Variants in CSMD1 observed in about 807,000 individuals in gnomAD.
The protein encoded by CSMD1 is CUB and Sushi multiple domains 1.
A neutral mutation model predicts 417.5 loss-of-function variants in CSMD1; 213 were observed. That is an observed-to-expected ratio of 0.51 (90% CI 0.46 to 0.57). CSMD1 has a LOEUF of 0.57. Among genes scored for constraint, CSMD1 ranks in the 20% least tolerant of loss-of-function variants. The probability of loss-of-function intolerance (pLI) is 0.00; values close to 1 mark genes in which losing one functional copy is unlikely to be tolerated. For synonymous variants in CSMD1, 2,862 were observed against 1,736.8 expected, an observed-to-expected ratio of 1.65 and a Z score of -16.11; for missense variants, 6,923 against 4,529.7, an observed-to-expected ratio of 1.53 and a Z score of -15.17.
chr8:4,354,710 A>C (rs2128903495), intron 3 of CSMD1, among the ~76,000 whole-genome samples: 1 of 152,274 alleles, frequency 6.6e-6, no homozygotes, highest in East Asian at 1.9e-4. Context: ...TATATTTTTG[A>C]AACACTTGTA....
chr8:3,811,731 A>G (rs1033124109), intron 5 of CSMD1, among the ~76,000 whole-genome samples: 2 of 152,110 alleles, frequency 1.3e-5, no homozygotes, highest in Non-Finnish European at 2.9e-5. Context: ...GGATTTCACA[A>G]TGCGGCGGAG....
intron 10 of CSMD1, among the ~76,000 whole-genome samples, chr8:3,499,538 G>T (rs1270387700): frequency 6.6e-6 from 1 of 152,106 alleles, no homozygotes; most frequent in South Asian, 2.1e-4. Flanking sequence ...GTACCCAAAA[G>T]GCCAGTCCTT....
chr8:4,337,219 C>G (rs1192018903), intron 3 of CSMD1, among the ~76,000 whole-genome samples: 2 of 152,102 alleles, frequency 1.3e-5, no homozygotes, highest in African/African-American at 2.4e-5. Context: ...CAATCTTTAC[C>G]CAGGAGGCAA....
intron 3 of CSMD1, among the ~76,000 whole-genome samples, chr8:4,100,011 T>C (rs1157933419): frequency 3.9e-5 from 6 of 152,168 alleles, no homozygotes; most frequent in Non-Finnish European, 8.8e-5. Context: ...ATTTTCATTT[T>C]TATGACTTCC....
At chr8:4,428,114 G>T (rs1797668933) in intron 2 of CSMD1, among the ~76,000 whole-genome samples, 1 of 152,136 alleles carries the variant, frequency 6.6e-6, no homozygotes, top group Non-Finnish European at 1.5e-5. Flanking sequence ...ATACATCTCT[G>T]ATGCCTGTTT....
intron 3 of CSMD1, among the ~76,000 whole-genome samples, chr8:4,106,344 AT>A (rs531720674): frequency 6.6e-6 from 1 of 152,184 alleles, no homozygotes; most frequent in South Asian, 2.1e-4. Flanking sequence ...CAATACCTAT[AT>A]TTTTTAAGTC....
intron 2 of CSMD1, among the ~76,000 whole-genome samples, chr8:4,438,818 T>C (rs73658900): frequency 0.032 from 4,888 of 152,298 alleles, 261 homozygotes; most frequent in African/African-American, 0.11. Context: ...TTATTCAAGA[T>C]CTAATTCTCA....
Position 3,746,097 on chromosome 8 carries a change from T to C in CSMD1, c.931+7833A>G, listed in dbSNP as rs2623719. Reference sequence around the variant, plus strand: ...ACATTTAGCAAATAAACATGAAACATTGTCTGCAGATTTGGCCAACGATAT... The same window carrying C: ...ACATTTAGCAAATAAACATGAAACACTGTCTGCAGATTTGGCCAACGATAT... On this transcript the variant is annotated intron_variant, in intron 6 of 69. Coordinates refer to ENST00000635120, the MANE Select transcript of CSMD1 (RefSeq NM_033225.6). Among the ~76,000 whole-genome samples the C allele has an allele frequency of 4.2e-3, 634 of 152,302 alleles. 20 individuals are homozygous for C. The East Asian group carries it at 0.075, about 18-fold the overall frequency.
intron 50 of CSMD1, among the ~76,000 whole-genome samples, chr8:3,030,897 C>T (rs188697354): frequency 0.017 from 2,603 of 151,976 alleles, 43 homozygotes; most frequent in East Asian, 0.038. Flanking sequence ...TAAAAATATA[C>T]AGAAAAATGT....
At chr8:3,032,614 CT>C (rs1810415310) in intron 50 of CSMD1, among the ~76,000 whole-genome samples, 1 of 152,028 alleles carries the variant, frequency 6.6e-6, no homozygotes, top group Admixed American at 6.6e-5. Flanking sequence ...CTACCCCAGT[CT>C]ACTGATTCAC....
chr8:3,651,096 C>T (rs916958690), intron 7 of CSMD1, among the ~76,000 whole-genome samples: 1 of 152,172 alleles, frequency 6.6e-6, no homozygotes, highest in Non-Finnish European at 1.5e-5. Context: ...ATACAATGGC[C>T]GTTTATCACC....
chr8:4,836,959 C>G (rs1273186029), intron 1 of CSMD1, among the ~76,000 whole-genome samples: 2 of 152,064 alleles, frequency 1.3e-5, no homozygotes, highest in African/African-American at 4.8e-5. Flanking sequence ...AAAGGAAACT[C>G]TGTAGAACAG....
chr8:3,798,387 T>A (rs1800276651), intron 5 of CSMD1, among the ~76,000 whole-genome samples: 1 of 152,024 alleles, frequency 6.6e-6, no homozygotes. Flanking sequence ...TTTAATTGGG[T>A]CTCTTATATG....
rs572680205 is a variant in CSMD1, at chr8:3,558,329, C to A, written c.1344+16616G>T. Among the ~76,000 whole-genome samples, 6 of 119,170 alleles carry A rather than the reference C, an allele frequency of 5.0e-5. No homozygotes were observed. The East Asian group carries it at 1.4e-3, about 27-fold the overall frequency. 78.2% of individuals were successfully genotyped at this position (119,170 alleles called of 152,430 possible). On this transcript the variant is annotated intron_variant, in intron 10 of 69. Coordinates refer to ENST00000635120, the MANE Select transcript of CSMD1 (RefSeq NM_033225.6). ...TTCACTCCTCCAATGATGAATGATG[C>A]CTCAGTAGTACCCCGTGTCCACTCC...
chr8:4,727,966 AAAATATATATGTATATATATAC>A (rs1809575619), intron 1 of CSMD1, among the ~76,000 whole-genome samples: 1 of 20,490 alleles, frequency 4.9e-5, no homozygotes, highest in African/African-American at 2.9e-4. Flanking sequence ...ATATATATAC[AAAATATATATGTATATATATAC>A]AAAATATATA....
At chr8:3,160,049 G>T (rs1380684869) in intron 38 of CSMD1, among the ~76,000 whole-genome samples, 1 of 152,136 alleles carries the variant, frequency 6.6e-6, no homozygotes, top group South Asian at 2.1e-4. Flanking sequence ...CCCGAAAAAG[G>T]CACAAAAACA....
chr8:3,188,356 G>C lies in CSMD1; in HGVS notation c.5524-391C>G, dbSNP rs1307220970. ...GAGTCTTCCTCTGTCACCCAGGCTT[G>C]AGTGCAATGGTGCAATCTTGGCTCA... On this transcript the variant is annotated intron_variant, in intron 35 of 69. Coordinates refer to ENST00000635120, the MANE Select transcript of CSMD1 (RefSeq NM_033225.6). Among the ~76,000 whole-genome samples, 5 of 109,094 alleles carry C rather than the reference G, an allele frequency of 4.6e-5. No individual in the cohort carries two copies. The South Asian group carries it at 1.2e-3, about 26-fold the overall frequency. The allele number at this position is 109,094 out of a possible 152,430, so 71.6% of individuals were successfully genotyped here. A position where few individuals can be genotyped will look rare whatever the true frequency, so the allele number is the denominator to read the frequency against.
chr8:3,551,956 T>C (rs189241412), intron 10 of CSMD1, among the ~76,000 whole-genome samples: 1 of 152,274 alleles, frequency 6.6e-6, no homozygotes, highest in East Asian at 1.9e-4. Context: ...AGGCTGCCAC[T>C]GTGGGAGCTG....
chr8:3,822,941 T>C (rs1330335813), intron 5 of CSMD1, among the ~76,000 whole-genome samples: 2 of 152,210 alleles, frequency 1.3e-5, no homozygotes, highest in African/African-American at 2.4e-5. Flanking sequence ...ATTCTATCCC[T>C]GGGCTAAGAA....
Sources: allele counts gnomAD v4.1 joint callset (sites outside exome capture counted in the v4.1 genomes callset), GRCh38; gene constraint gnomAD v4.1.1; transcripts MANE v1.5; gene names NCBI Gene and HGNC (gene_info 2026-07-23, HGNC 2026-07-21).